Variants in RASA2 observed in about 807,000 individuals in gnomAD.
RASA2 encodes the protein RAS p21 protein activator 2.
In RASA2, 155 loss-of-function variants were observed where a neutral mutation model predicts 118.2. The ratio of observed to expected loss-of-function variants is 1.31; its 90% CI spans 1.15 to 1.50. RASA2 has a LOEUF of 1.50. Ranked by LOEUF, RASA2 falls within the 40% of genes most tolerant of loss-of-function variation. The pLI is 0.00. For synonymous variants in RASA2, 353 were observed against 349.1 expected, an observed-to-expected ratio of 1.01 and a Z score of -0.12; for missense variants, 1,016 against 1,009.6, an observed-to-expected ratio of 1.01 and a Z score of -0.09.
chr3:141,595,277 G>T (rs2083348923), intron 19 of RASA2, among the ~76,000 whole-genome samples: 1 of 152,086 alleles, frequency 6.6e-6, no homozygotes, highest in Non-Finnish European at 1.5e-5. Context: ...TACAGTAAAT[G>T]TAAATGAACT....
intron 1 of RASA2, among the ~76,000 whole-genome samples, chr3:141,501,724 A>AT (rs2081784024): frequency 6.6e-6 from 1 of 152,204 alleles, no homozygotes. Flanking sequence ...CTTATGATAT[A>AT]TTACCATTAT....
At chr3:141,519,751 C>T (rs999593050) in intron 3 of RASA2, among the ~76,000 whole-genome samples, 1 of 152,066 alleles carries the variant, frequency 6.6e-6, no homozygotes, top group Admixed American at 6.5e-5. Flanking sequence ...ATCCTCAATT[C>T]AGTTTAACAT....
intron 4 of RASA2, among the ~76,000 whole-genome samples, chr3:141,535,802 T>C (rs2082318237): frequency 6.6e-6 from 1 of 152,068 alleles, no homozygotes; most frequent in South Asian, 2.1e-4. Context: ...GGGGTGGCAC[T>C]CAGCCATTCA....
chr3:141,524,168 G>A (rs1019089432), intron 3 of RASA2, among the ~76,000 whole-genome samples: 3 of 152,188 alleles, frequency 2.0e-5, no homozygotes, highest in African/African-American at 7.2e-5. Flanking sequence ...GCCTGGGGCT[G>A]ATGTGCAGTT....
chr3:141,557,761 G>A (rs959884424), intron 7 of RASA2, among the ~76,000 whole-genome samples: 1 of 152,122 alleles, frequency 6.6e-6, no homozygotes, highest in Non-Finnish European at 1.5e-5. Flanking sequence ...TGGAAATAGA[G>A]AGGAAGAGGC....
In RASA2 at chr3:141,612,431, C is replaced by A; in HGVS notation, c.*118C>A. The A allele has an allele frequency of 1.4e-6, 1 of 733,692 alleles. No homozygotes were observed. Among genetic ancestry groups the A allele is most frequent in the Non-Finnish European group, 2.2e-6 (1 of 452,022 alleles). 45.4% of individuals were successfully genotyped at this position (733,692 alleles called of 1,614,324 possible). A position where few individuals can be genotyped will look rare whatever the true frequency, so the allele number is the denominator to read the frequency against. On this transcript the variant is annotated 3_prime_UTR_variant, in exon 24 of 24. Coordinates refer to ENST00000286364, the MANE Select transcript of RASA2 (RefSeq NM_006506.5). Reference sequence around the variant, plus strand: ...GAGCATCCGCTTCAATGTCATCTGCCTCCACATTGTATTTAATATTTAATA... The same window carrying A: ...GAGCATCCGCTTCAATGTCATCTGCATCCACATTGTATTTAATATTTAATA...
chr3:141,520,986 T>C (rs1368831810), intron 3 of RASA2, among the ~76,000 whole-genome samples: 1 of 152,222 alleles, frequency 6.6e-6, no homozygotes, highest in Non-Finnish European at 1.5e-5. Flanking sequence ...TAAAATGGTC[T>C]TGTTTGTATG....
chr3:141,585,141 C>G (rs1051179261), intron 17 of RASA2, among the ~76,000 whole-genome samples: 27 of 152,234 alleles, frequency 1.8e-4, no homozygotes, highest in African/African-American at 3.4e-4. Flanking sequence ...GGTTCACAAT[C>G]TTATATGTAA....
At chr3:141,518,431 T>C (rs1259667408) in intron 3 of RASA2, among the ~76,000 whole-genome samples, 1 of 125,530 alleles carries the variant, frequency 8.0e-6, no homozygotes, top group Non-Finnish European at 1.6e-5. Flanking sequence ...TGCAGTGAGC[T>C]GAGGTTGTGC....
intron 4 of RASA2, among the ~76,000 whole-genome samples, chr3:141,532,321 A>T (rs1440355782): frequency 6.6e-6 from 1 of 152,176 alleles, no homozygotes; most frequent in Non-Finnish European, 1.5e-5. Context: ...TCATTAAAAA[A>T]AATAGATTAG....
chr3:141,544,995 G>A (rs1428319777), intron 5 of RASA2, among the ~76,000 whole-genome samples: 1 of 152,178 alleles, frequency 6.6e-6, no homozygotes, highest in African/African-American at 2.4e-5. Flanking sequence ...ACCAGAGGGT[G>A]GAGAGTAGGA....
rs530034929 is a variant in RASA2 at position 141,511,286 on chromosome 3, C to G, written c.134-877C>G. 7.2e-5 allele frequency among the ~76,000 whole-genome samples: 11 copies of G among 152,162 alleles called. No individual in the cohort carries two copies. In the South Asian group the frequency reaches 2.3e-3, roughly 32 times the overall value. Reference sequence around the variant, plus strand: ...CAAGGAGACAGTTAAATAGTCACATCTAGTGTTTGTTGAGGAGAGGTTAGA... The same window carrying G: ...CAAGGAGACAGTTAAATAGTCACATGTAGTGTTTGTTGAGGAGAGGTTAGA... On this transcript the variant is annotated intron_variant, in intron 1 of 23. Transcript: ENST00000286364.
In RASA2 at chr3:141,593,652, G is replaced by A. The variant is rs187324602; in HGVS notation, c.1933+6900G>A. Among the ~76,000 whole-genome samples, 161 of 152,262 alleles carry A rather than the reference G, an allele frequency of 1.1e-3. 2 individuals are homozygous for A. Among genetic ancestry groups the A allele is most frequent in the African/African-American group, 3.3e-3 (138 of 41,548 alleles). On this transcript the variant is annotated intron_variant, in intron 19 of 23. Coordinates refer to ENST00000286364, the MANE Select transcript of RASA2 (RefSeq NM_006506.5). ...TGAGCAGAGACTTCAGTTTCTGTCC[G>A]CCTCAAAGGAGACAGAATTTGGAAT... is the stretch of plus-strand genomic sequence containing the variant.
At position 141,586,723 on chromosome 3, in the gene RASA2, G is replaced by A. The variant is rs779954976; in HGVS notation, c.1904G>A (p.Ser635Asn). ...AAGAAACGATGGTTCTGCTTAACAA[G>A]CAGAGAGCTCACCTACCACAAACAG... ...NFKKRWFCLT[S>N]RELTYHKQPG... The change falls in exon 19 of 24, where the codon AGC becomes AAC. Residue 635 changes from serine (S) to asparagine (N), a missense_variant. By Grantham distance (46) the Ser-to-Asn change is conservative. Coordinates refer to ENST00000286364, the MANE Select transcript of RASA2 (RefSeq NM_006506.5). 1 of 1,613,428 alleles carries A rather than the reference G, an allele frequency of 6.2e-7. No individual in the cohort carries two copies. The highest frequency in any genetic ancestry group is 1.7e-5 in the Admixed American group (1 of 60,004).
chr3:141,494,787 T>C (rs1177158535), intron 1 of RASA2, among the ~76,000 whole-genome samples: 2 of 152,242 alleles, frequency 1.3e-5, no homozygotes, highest in Admixed American at 6.5e-5. Flanking sequence ...TTGTCCTTTT[T>C]TTTCTGGTGA....
chr3:141,540,372 C>T (rs1444441944), intron 4 of RASA2, among the ~76,000 whole-genome samples, 161 bp from the exon 5 acceptor site: 1 of 152,048 alleles, frequency 6.6e-6, no homozygotes, highest in East Asian at 1.9e-4. Context: ...GAACTTTGAT[C>T]TCTGGTTTTG....
At position 141,542,029 on chromosome 3, in the gene RASA2, A is replaced by G. The variant is rs114066250; in HGVS notation, c.527+1420A>G. On this transcript the variant is annotated intron_variant, in intron 5 of 23. Coordinates refer to ENST00000286364, the MANE Select transcript of RASA2 (RefSeq NM_006506.5). ...AGTTTGGTTGGTTTGGTTTGTTTGC[A>G]TTCAATTTAAGGGTTTTTTTGTGCC... Among the ~76,000 whole-genome samples the G allele has an allele frequency of 9.4e-3, 1,427 of 152,060 alleles. 15 individuals carry two copies. The highest frequency in any genetic ancestry group is 0.027 in the Middle Eastern group (8 of 294).
At chr3:141,577,890 AC>A (rs1407875778) in intron 15 of RASA2, among the ~76,000 whole-genome samples, 2 of 152,190 alleles carry the variant, frequency 1.3e-5, no homozygotes, top group African/African-American at 4.8e-5. Flanking sequence ...GCATAGATTT[AC>A]ATGTTTATTT....
At chr3:141,576,726 G>T (rs758713434) in intron 14 of RASA2, among the ~76,000 whole-genome samples, 7 of 152,154 alleles carry the variant, frequency 4.6e-5, no homozygotes, top group Non-Finnish European at 5.9e-5. Flanking sequence ...CTTCTTGCAG[G>T]TGAGGAAAGA....
Sources: allele counts gnomAD v4.1 joint callset (sites outside exome capture counted in the v4.1 genomes callset), GRCh38; gene constraint gnomAD v4.1.1; transcripts MANE v1.5; gene names NCBI Gene and HGNC (gene_info 2026-07-23, HGNC 2026-07-21).